The following CTNNA2 variants were observed in gnomAD, a reference collection of about 807,000 sequenced individuals.
CTNNA2 encodes the protein catenin alpha 2.
CTNNA2 carries 42 observed loss-of-function variants against 101.0 expected under a neutral mutation model. The ratio of observed to expected loss-of-function variants is 0.42; its 90% confidence interval spans 0.32 to 0.54. The LOEUF is 0.54. Among genes scored for constraint, CTNNA2 ranks in the 20% least tolerant of loss-of-function variants. The pLI, the probability that CTNNA2 is intolerant of heterozygous loss-of-function variation, is 0.14. For synonymous variants in CTNNA2, 450 were observed against 456.4 expected, an observed-to-expected ratio of 0.99 and a Z score of 0.18; for missense variants, 871 against 1,223.1, an observed-to-expected ratio of 0.71 and a Z score of 4.29.
chr2:80,340,698 A>T (rs928996924), intron 7 of CTNNA2, among the ~76,000 whole-genome samples: 1 of 152,204 alleles, frequency 6.6e-6, no homozygotes, highest in Non-Finnish European at 1.5e-5. Flanking sequence ...TGACAATTAT[A>T]TACAGGCTTT....
rs1680616224 is a variant in CTNNA2 at position 79,850,457 on chromosome 2, CCCTT to C, written c.299-7555_299-7552del. ...TCCCTCCCTTCCTTCCTTTCTTTCT[CCCTT>C]GCTTGCTTCCTTCCTTCCTATACCC... On this transcript the variant is annotated intron_variant, in intron 3 of 18. Coordinates refer to ENST00000402739, the MANE Select transcript of CTNNA2 (RefSeq NM_001282597.3). Among the ~76,000 whole-genome samples, 2 of 147,892 alleles carry C rather than the reference CCCTT, an allele frequency of 1.4e-5. 1 individual carries two copies. Among genetic ancestry groups the C allele is most frequent in the African/African-American group, 4.9e-5 (2 of 40,494 alleles).
chr2:79,892,061 G>C (rs897907489), intron 6 of CTNNA2, among the ~76,000 whole-genome samples: 3 of 151,898 alleles, frequency 2.0e-5, no homozygotes, highest in Admixed American at 2.0e-4. Context: ...ATATTGGCTT[G>C]TCATTTGTAT....
intron 7 of CTNNA2, among the ~76,000 whole-genome samples, chr2:79,989,485 A>T (rs949347024): frequency 2.6e-5 from 4 of 152,092 alleles, no homozygotes; most frequent in Admixed American, 2.6e-4. Flanking sequence ...AAACAAAAAA[A>T]TTATCTGGAC....
intron 4 of CTNNA2, among the ~76,000 whole-genome samples, chr2:79,422,729 T>G (rs1160295998): frequency 6.6e-6 from 1 of 152,154 alleles, no homozygotes; most frequent in East Asian, 1.9e-4. Flanking sequence ...GTTGAGCACA[T>G]GTAAGGGATA....
Position 80,271,667 on chromosome 2 carries a change from C to T in CTNNA2, c.1057-121544C>T, listed in dbSNP as rs1016152142. ...TCGATCTCCTGACCTCGTGATCTAC[C>T]TGCCTCGGCCTCCCAAAGTGCTGGG... is the stretch of plus-strand genomic sequence containing the variant. On this transcript the variant is annotated intron_variant, in intron 7 of 18. Coordinates refer to ENST00000402739, the MANE Select transcript of CTNNA2 (RefSeq NM_001282597.3). 4.6e-5 allele frequency among the ~76,000 whole-genome samples: 7 copies of T among 152,260 alleles called. No individual in the cohort carries two copies. The South Asian group carries it at 1.5e-3, about 32-fold the overall frequency.
chr2:79,870,428 G>C (rs909430119), intron 5 of CTNNA2, among the ~76,000 whole-genome samples: 17 of 151,872 alleles, frequency 1.1e-4, no homozygotes, highest in African/African-American at 4.1e-4. Flanking sequence ...GCAGGGGTGG[G>C]GGAACGGAGA....
intron 9 of CTNNA2, among the ~76,000 whole-genome samples, chr2:80,532,828 G>GA (rs1690659034): frequency 6.6e-6 from 1 of 152,064 alleles, no homozygotes; most frequent in Non-Finnish European, 1.5e-5. Flanking sequence ...TGACCTTAGT[G>GA]AATAGTTACT....
Position 80,544,232 on chromosome 2 carries a change from C to T in CTNNA2, c.1291-750C>T, listed in dbSNP as rs142765489. Among the ~76,000 whole-genome samples the T allele has an allele frequency of 6.8e-4, 102 of 150,754 alleles. No individual in the cohort carries two copies. The East Asian group carries it at 0.016, about 23-fold the overall frequency. ...ATCTTCAGAGCCAACTGTTTGAAGA[C>T]GGAAGGGGCCAGGAACCAAGGAAGA... On this transcript the variant is annotated intron_variant, in intron 9 of 18. Transcript: ENST00000402739.
intron 2 of CTNNA2, among the ~76,000 whole-genome samples, chr2:79,306,320 ATATAT>A (rs1475694630): frequency 6.6e-6 from 1 of 152,184 alleles, no homozygotes; most frequent in Non-Finnish European, 1.5e-5. Flanking sequence ...GTTAAGAACA[ATATAT>A]TATATATTTG....
chr2:79,833,905 T>G (rs1293929763), intron 3 of CTNNA2, among the ~76,000 whole-genome samples: 2 of 152,234 alleles, frequency 1.3e-5, no homozygotes, highest in Non-Finnish European at 2.9e-5. Flanking sequence ...GCACTTTTTC[T>G]AAACTAGTTC....
intron 1 of CTNNA2, among the ~76,000 whole-genome samples, chr2:79,620,950 G>A (rs1048635623): frequency 6.6e-6 from 1 of 152,156 alleles, no homozygotes; most frequent in Non-Finnish European, 1.5e-5. Flanking sequence ...AGCAGTGGAT[G>A]ACAAATCACT....
At chr2:79,591,799 A>T (rs543303689) in intron 1 of CTNNA2, among the ~76,000 whole-genome samples, 1 of 152,170 alleles carries the variant, frequency 6.6e-6, no homozygotes, top group African/African-American at 2.4e-5. Context: ...ACGTATGAGG[A>T]GAATGTTAAT....
At chr2:80,365,839 G>A (rs149693514) in intron 7 of CTNNA2, among the ~76,000 whole-genome samples, 13 of 152,272 alleles carry the variant, frequency 8.5e-5, no homozygotes, top group African/African-American at 3.1e-4. Flanking sequence ...TCCCCCTACA[G>A]TAGCATTGTA....
At chr2:79,763,191 A>G (rs774141054) in intron 3 of CTNNA2, among the ~76,000 whole-genome samples, 10 of 152,008 alleles carry the variant, frequency 6.6e-5, no homozygotes, top group Non-Finnish European at 1.5e-4. Context: ...TAAATCTTCA[A>G]TTTGCATTTC....
At chr2:79,948,474 T>G (rs1434106) in intron 7 of CTNNA2, among the ~76,000 whole-genome samples, 111,030 of 152,152 alleles carry the variant, frequency 0.73, 40,739 homozygotes, top group African/African-American at 0.79. Context: ...GTAGTTGTGA[T>G]AATTAAATGG....
At chr2:80,152,236 C>T (rs1370107885) in intron 7 of CTNNA2, among the ~76,000 whole-genome samples, 2 of 152,092 alleles carry the variant, frequency 1.3e-5, no homozygotes. Flanking sequence ...TCAGTGGAGA[C>T]CCAGAACCTC....
chr2:80,484,960 T>C (rs1212905107), intron 9 of CTNNA2, among the ~76,000 whole-genome samples: 2 of 152,062 alleles, frequency 1.3e-5, no homozygotes, highest in Non-Finnish European at 2.9e-5. Flanking sequence ...GAGCCGAGAC[T>C]GTGCCACTGC....
chr2:80,163,217 C>A, intron 7 of CTNNA2: 2 of 997,812 alleles, frequency 2.0e-6, no homozygotes, highest in Non-Finnish European at 3.1e-6. Context: ...AAAGAACTAG[C>A]TTATTATTAT....
intron 16 of CTNNA2, among the ~76,000 whole-genome samples, chr2:80,606,929 T>G (rs1455905065): frequency 6.6e-6 from 1 of 151,878 alleles, no homozygotes; most frequent in East Asian, 1.9e-4. Flanking sequence ...TATGGGTCCC[T>G]GGAGTAGGAT....
Sources: gnomAD v4.1 joint callset for allele counts (sites outside exome capture counted in the v4.1 genomes callset) on GRCh38, gnomAD v4.1.1 for gene constraint, MANE v1.5 for transcripts, NCBI Gene and HGNC (gene_info 2026-07-23, HGNC 2026-07-21) for gene names.